Variants in DLC1 observed in about 807,000 individuals in gnomAD.
DLC1 encodes the protein DLC1 Rho GTPase activating protein, also known as rho GTPase-activating protein 7.
Under a neutral mutation model 140.3 loss-of-function variants are expected in DLC1, and 54 were observed. The ratio of observed to expected loss-of-function variants is 0.38; its 90% CI spans 0.31 to 0.48. The LOEUF is 0.48. Ranked by LOEUF, DLC1 falls within the 20% of genes least tolerant of loss-of-function variation. The probability of loss-of-function intolerance (pLI) is 0.96; values close to 1 mark genes in which losing one functional copy is unlikely to be tolerated. For synonymous variants in DLC1, 986 were observed against 728.1 expected (o/e 1.35, Z -5.70); for missense variants, 2,536 against 1,907.0 (o/e 1.33, Z -6.14).
intron 2 of DLC1, among the ~76,000 whole-genome samples, chr8:13,416,853 A>G (rs1838086671): frequency 6.6e-6 from 1 of 152,142 alleles, no homozygotes; most frequent in South Asian, 2.1e-4. Context: ...GATTTTGATA[A>G]AGGAACTCCA....
intron 1 of DLC1, among the ~76,000 whole-genome samples, chr8:13,512,600 A>T (rs1338471100): frequency 6.6e-6 from 1 of 152,146 alleles, no homozygotes; most frequent in East Asian, 1.9e-4. Flanking sequence ...GAAAAGACCC[A>T]CATAGAACTT....
At chr8:13,152,903 G>C (rs980976723) in intron 5 of DLC1, among the ~76,000 whole-genome samples, 4 of 151,026 alleles carry the variant, frequency 2.6e-5, no homozygotes, top group African/African-American at 7.3e-5. Context: ...TAGAGAATTA[G>C]TTGGTTAGAA....
intron 5 of DLC1, among the ~76,000 whole-genome samples, chr8:13,245,925 C>T (rs533983449): frequency 1.1e-4 from 16 of 152,084 alleles, no homozygotes; most frequent in African/African-American, 3.6e-4. Flanking sequence ...TGGTCTTGAA[C>T]TCCTGACCTC....
At chr8:13,431,732 G>T (rs1027001967) in intron 2 of DLC1, among the ~76,000 whole-genome samples, 9 of 151,976 alleles carry the variant, frequency 5.9e-5, no homozygotes, top group African/African-American at 2.2e-4. Flanking sequence ...GGGTTAGAAC[G>T]GGTGATATGC....
intron 2 of DLC1, among the ~76,000 whole-genome samples, chr8:13,479,863 A>AGAAGAAGAAGAAGAAGAAGAGAAAAAG (rs1563383641): frequency 1.8e-5 from 1 of 56,380 alleles, no homozygotes; most frequent in Non-Finnish European, 4.2e-5. Flanking sequence ...GAAGAAGAGA[A>AGAAGAAGAAGAAGAAGAAGAGAAAAAG]AAAGAAAGAA....
At position 13,092,707 on chromosome 8, in the gene DLC1, T is replaced by A. The variant is rs377046871; in HGVS notation, c.3645A>T (p.Val1215=). The change falls in exon 13 of 18, where the codon GTA becomes GTT. Residue 1215 remains valine (V), a synonymous_variant. Transcript: ENST00000276297. ...LYFLSDVTAA[V]KENQMTPTNL... ...TGGTTGGGGTCATCTGGTTTTCTTT[T>A]ACGGCTGCTGTGACATCGCTCAGGA... The A allele has an allele frequency of 3.0e-5, 49 of 1,614,192 alleles. No individual in the cohort carries two copies. The African/African-American group carries it at 6.0e-4, about 20-fold the overall frequency.
intron 5 of DLC1, among the ~76,000 whole-genome samples, chr8:13,259,678 G>C (rs958099365): frequency 6.6e-6 from 1 of 151,984 alleles, no homozygotes; most frequent in Non-Finnish European, 1.5e-5. Context: ...TGTTTCATCT[G>C]AGAAAGCAAT....
At chr8:13,255,133 C>T (rs1363427676) in intron 5 of DLC1, among the ~76,000 whole-genome samples, 2 of 152,028 alleles carry the variant, frequency 1.3e-5, no homozygotes, top group Non-Finnish European at 2.9e-5. Flanking sequence ...CGTGCCACCA[C>T]GCCCAGCTAA....
chr8:13,480,766 G>A (rs191945822), intron 2 of DLC1, among the ~76,000 whole-genome samples: 21 of 152,194 alleles, frequency 1.4e-4, no homozygotes, highest in South Asian at 6.2e-4. Context: ...TTTGCCAGGC[G>A]TGGTAGCATT....
chr8:13,303,563 A>C (rs1832293361), intron 5 of DLC1, among the ~76,000 whole-genome samples: 1 of 152,150 alleles, frequency 6.6e-6, no homozygotes, highest in African/African-American at 2.4e-5. Flanking sequence ...GCACTTTGGG[A>C]GGCCGAGGCG....
intron 5 of DLC1, among the ~76,000 whole-genome samples, chr8:13,182,177 T>A (rs1398464138): frequency 6.6e-6 from 1 of 152,134 alleles, no homozygotes; most frequent in African/African-American, 2.4e-5. Flanking sequence ...CACTTTTTGA[T>A]AGGGTTTTTT....
At chr8:13,445,402 C>T (rs1333643705) in intron 2 of DLC1, among the ~76,000 whole-genome samples, 2 of 152,116 alleles carry the variant, frequency 1.3e-5, no homozygotes, top group Non-Finnish European at 2.9e-5. Flanking sequence ...GAGAGAAAAG[C>T]ACAGATACAT....
chr8:13,424,521 G>C (rs1420176398), intron 2 of DLC1, among the ~76,000 whole-genome samples: 1 of 151,920 alleles, frequency 6.6e-6, no homozygotes, highest in Non-Finnish European at 1.5e-5. Flanking sequence ...ATAAAAGTCA[G>C]ATCTCCAGTA....
chr8:13,496,811 TTTTTTTTGAGA>T (rs1801533864), intron 2 of DLC1, among the ~76,000 whole-genome samples: 1 of 16,968 alleles, frequency 5.9e-5, no homozygotes. Flanking sequence ...TTTTTTTTTT[TTTTTTTTGAGA>T]TGGAGTTTCG....
upstream of DLC1, among the ~76,000 whole-genome samples, chr8:13,516,585 A>G (rs987945719): frequency 2.6e-5 from 4 of 152,218 alleles, no homozygotes; most frequent in African/African-American, 7.2e-5. Context: ...ATGAGTTTGA[A>G]GATGAGAAGT....
At chr8:13,592,633 G>A (rs1308306730) in intron 1 of DLC1, among the ~76,000 whole-genome samples, 1 of 152,044 alleles carries the variant, frequency 6.6e-6, no homozygotes, top group Non-Finnish European at 1.5e-5. Context: ...GTCTTGGATA[G>A]CTAATCTGGG....
At chr8:13,245,826 A>G (rs937400232) in intron 5 of DLC1, among the ~76,000 whole-genome samples, 4 of 151,922 alleles carry the variant, frequency 2.6e-5, no homozygotes, top group African/African-American at 7.3e-5. Context: ...TCAGCCTCCC[A>G]TGTAGCTGGG....
intron 2 of DLC1, among the ~76,000 whole-genome samples, chr8:13,490,620 G>C (rs1437045938): frequency 6.6e-6 from 1 of 152,138 alleles, no homozygotes; most frequent in African/African-American, 2.4e-5. Flanking sequence ...ATGGTTGTTT[G>C]TTGGTATTAA....
intron 5 of DLC1, among the ~76,000 whole-genome samples, chr8:13,234,617 TG>T (rs1829198646): frequency 6.6e-6 from 1 of 152,140 alleles, no homozygotes; most frequent in Non-Finnish European, 1.5e-5. Context: ...ATCTGTTAAG[TG>T]GTAGAATACC....
Sources: allele counts gnomAD v4.1 joint callset (sites outside exome capture counted in the v4.1 genomes callset), GRCh38; gene constraint gnomAD v4.1.1; transcripts MANE v1.5; gene names NCBI Gene and HGNC (gene_info 2026-07-23, HGNC 2026-07-21).